POFUT3: variants seen among roughly 807,000 people sequenced by gnomAD.
The protein encoded by POFUT3 is protein O-fucosyltransferase 3.
chr8:33,344,229 A>G, the POFUT3 span, among the ~76,000 whole-genome samples: 1 of 152,172 alleles, frequency 6.6e-6, no homozygotes, highest in Non-Finnish European at 1.5e-5. Flanking sequence ...AAGTCTGGAT[A>G]CGCTTATGTT....
chr8:33,370,169 TAAAAAAAAAAAAAAAA>T, the POFUT3 span, among the ~76,000 whole-genome samples: 13 of 39,898 alleles, frequency 3.3e-4, no homozygotes, highest in Middle Eastern at 0.026. Flanking sequence ...CCATCTTTAC[TAAAAAAAAAAAAAAAA>T]AAAAAAAAAA....
the POFUT3 span, among the ~76,000 whole-genome samples, chr8:33,441,799 G>C: frequency 3.9e-5 from 6 of 152,226 alleles, no homozygotes; most frequent in Non-Finnish European, 7.3e-5. Context: ...ACATCTCAGA[G>C]GATTTCTGTG....
the POFUT3 span, chr8:33,461,711 G>T: frequency 7.2e-7 from 1 of 1,382,368 alleles, no homozygotes; most frequent in East Asian, 2.9e-5. Context: ...CAAATAAGAA[G>T]GAATCAAAAA....
the POFUT3 span, among the ~76,000 whole-genome samples, chr8:33,354,665 C>G: frequency 3.2e-4 from 48 of 152,290 alleles, 1 homozygote; most frequent in East Asian, 8.9e-3. Flanking sequence ...ATTTTACCAG[C>G]AACCTGAGCA....
At chr8:33,379,991 GTA>G in the POFUT3 span, among the ~76,000 whole-genome samples, 43 of 36,606 alleles carry the variant, frequency 1.2e-3, 1 homozygote, top group African/African-American at 5.3e-3. Context: ...TATATATATA[GTA>G]TATATATATA....
chr8:33,449,213 G>C, the POFUT3 span, among the ~76,000 whole-genome samples: 1 of 150,370 alleles, frequency 6.7e-6, no homozygotes. Context: ...TGGGCACTGA[G>C]AGAAGAAGGG....
the POFUT3 span, among the ~76,000 whole-genome samples, chr8:33,404,372 C>T: frequency 2.9e-4 from 44 of 150,334 alleles, no homozygotes; most frequent in African/African-American, 1.0e-3. Context: ...AAAGAAAATT[C>T]GGGTTCTCAG....
At chr8:33,309,090 G>A in the POFUT3 span, among the ~76,000 whole-genome samples, 77 of 138,860 alleles carry the variant, frequency 5.5e-4, 1 homozygote, top group East Asian at 0.015. Flanking sequence ...TGGAGCCCCG[G>A]CTGTTGCTTC....
chr8:33,361,141 G>A, the POFUT3 span: 1 of 152,142 alleles, frequency 6.6e-6, no homozygotes, highest in Non-Finnish European at 1.5e-5. Flanking sequence ...GAGGCACTGA[G>A]GCTGAGTAAA....
At chr8:33,460,321 C>A in the POFUT3 span, among the ~76,000 whole-genome samples, 1 of 152,156 alleles carries the variant, frequency 6.6e-6, no homozygotes, top group African/African-American at 2.4e-5. Context: ...CGCCACTGCT[C>A]TCCAGCCTGG....
At chr8:33,349,080 A>G in the POFUT3 span, among the ~76,000 whole-genome samples, 1 of 152,202 alleles carries the variant, frequency 6.6e-6, no homozygotes, top group African/African-American at 2.4e-5. Context: ...AGCCTAATGT[A>G]TGGAGCGTGC....
the POFUT3 span, among the ~76,000 whole-genome samples, chr8:33,360,407 C>A: frequency 6.6e-6 from 1 of 151,818 alleles, no homozygotes; most frequent in African/African-American, 2.4e-5. Context: ...GATGGTGCCA[C>A]CGCGCTCCAG....
the POFUT3 span, among the ~76,000 whole-genome samples, chr8:33,418,545 TGCCCACCTCG>T: frequency 6.6e-6 from 1 of 151,858 alleles, no homozygotes; most frequent in Non-Finnish European, 1.5e-5. Context: ...TCAGGTGATC[TGCCCACCTCG>T]GCCTCTCAAA....
chr8:33,363,825 G>C, the POFUT3 span, among the ~76,000 whole-genome samples: 1 of 152,056 alleles, frequency 6.6e-6, no homozygotes. Flanking sequence ...ATTCACAGCC[G>C]AATTCTACCA....
the POFUT3 span, among the ~76,000 whole-genome samples, chr8:33,375,891 C>A: frequency 1.3e-5 from 2 of 151,860 alleles, no homozygotes; most frequent in African/African-American, 2.4e-5. Flanking sequence ...GTGGCGCGTG[C>A]CTGTAATCCC....
At chr8:33,416,911 T>C in the POFUT3 span, among the ~76,000 whole-genome samples, 107 of 151,152 alleles carry the variant, frequency 7.1e-4, 4 homozygotes, top group South Asian at 0.021. Context: ...CAAATTCTAA[T>C]CTTCCTTTAT....
the POFUT3 span, among the ~76,000 whole-genome samples, chr8:33,340,239 C>A: frequency 2.6e-5 from 4 of 151,936 alleles, no homozygotes; most frequent in Non-Finnish European, 4.4e-5. Context: ...ATAATGCACA[C>A]ACACACATAT....
chr8:33,422,221 C>T, the POFUT3 span, among the ~76,000 whole-genome samples: 7 of 150,956 alleles, frequency 4.6e-5, no homozygotes, highest in Admixed American at 2.0e-4. Flanking sequence ...AGAGGAAGTG[C>T]GCCTTGTTTC....
the POFUT3 span, among the ~76,000 whole-genome samples, chr8:33,468,709 C>A: frequency 1.9e-3 from 291 of 152,294 alleles, 1 homozygote; most frequent in African/African-American, 6.6e-3. Context: ...AAGTGCCCAA[C>A]AACTGGTGTT....
Sources: gnomAD v4.1 joint callset for allele counts (sites outside exome capture counted in the v4.1 genomes callset) on GRCh38, gnomAD v4.1.1 for gene constraint, MANE v1.5 for transcripts, NCBI Gene and HGNC (gene_info 2026-07-23, HGNC 2026-07-21) for gene names.